RUNX2: variants seen among roughly 807,000 people sequenced by gnomAD.
RUNX2 encodes RUNX family transcription factor 2, also known as runt-related transcription factor 2.
A neutral mutation model predicts 51.7 loss-of-function variants in RUNX2; 10 were observed. The observed-to-expected ratio is 0.19, with a 90% CI of 0.12 to 0.33. The LOEUF (loss-of-function observed/expected upper bound fraction) is 0.33, where lower values mean the gene tolerates loss of function less well. Ranked by LOEUF, RUNX2 falls within the 10% of genes least tolerant of loss-of-function variation. The pLI is 1.00. For missense variants in RUNX2, 562 were observed against 691.3 expected (o/e 0.81, Z 2.10); for synonymous variants, 276 against 273.6 (o/e 1.01, Z -0.09).
chr6:45,478,939 G>A (rs1290731361), intron 5 of RUNX2, among the ~76,000 whole-genome samples: 5 of 151,906 alleles, frequency 3.3e-5, no homozygotes, highest in Non-Finnish European at 7.4e-5. Context: ...CCAGGCTGGA[G>A]TGCAGTGGCA....
At chr6:45,504,374 C>A (rs747899284) in intron 6 of RUNX2, among the ~76,000 whole-genome samples, 3 of 152,128 alleles carry the variant, frequency 2.0e-5, no homozygotes, top group Non-Finnish European at 2.9e-5. Flanking sequence ...GATAACCCAC[C>A]CATTCCCATG....
chr6:45,466,075 A>G (rs1300717552), intron 5 of RUNX2, among the ~76,000 whole-genome samples: 1 of 152,172 alleles, frequency 6.6e-6, no homozygotes, highest in Non-Finnish European at 1.5e-5. Flanking sequence ...GCACTTTGGG[A>G]AGCCGAGGCG....
At chr6:45,361,582 A>G (rs1581904055) in intron 2 of RUNX2, 1 of 152,220 alleles carries the variant, frequency 6.6e-6, no homozygotes, top group Non-Finnish European at 1.5e-5. Context: ...AGGCTGCTTG[A>G]GTTCAATAAC....
At chr6:45,375,161 C>T (rs929048415) in intron 2 of RUNX2, among the ~76,000 whole-genome samples, 1 of 152,102 alleles carries the variant, frequency 6.6e-6, no homozygotes, top group African/African-American at 2.4e-5. Context: ...GAGCTGAGAT[C>T]GCACCATTGT....
chr6:45,410,604 A>G (rs948555596), intron 2 of RUNX2, among the ~76,000 whole-genome samples: 1 of 152,174 alleles, frequency 6.6e-6, no homozygotes, highest in Non-Finnish European at 1.5e-5. Flanking sequence ...TGGTATATAC[A>G]TGGAATATGG....
intron 2 of RUNX2, among the ~76,000 whole-genome samples, chr6:45,391,858 T>G (rs1797478401): frequency 6.6e-6 from 1 of 152,148 alleles, no homozygotes; most frequent in Non-Finnish European, 1.5e-5. Context: ...AAGATGAGAT[T>G]TGGGTGGGGA....
At chr6:45,353,798 AT>A (rs1792571211) in intron 2 of RUNX2, among the ~76,000 whole-genome samples, 1 of 151,952 alleles carries the variant, frequency 6.6e-6, no homozygotes, top group Non-Finnish European at 1.5e-5. Flanking sequence ...TTTAATCACT[AT>A]ATACAAACCT....
Position 45,420,903 on chromosome 6 carries a change from A to G in RUNX2, c.59-1690A>G, listed in dbSNP as rs543457515. On this transcript the variant is annotated intron_variant, in intron 2 of 8. Coordinates refer to ENST00000647337, the MANE Select transcript of RUNX2 (RefSeq NM_001024630.4). ...CTTAGCCAGAGTCGTGTCTATATAA[A>G]CCACAAAAACCTAATCATTAGAAAT... 4.6e-5 allele frequency among the ~76,000 whole-genome samples: 7 copies of G among 152,254 alleles called. No individual in the cohort carries two copies. The South Asian group carries it at 1.5e-3, about 32-fold the overall frequency.
In RUNX2 at chr6:45,329,755, C is replaced by T. The variant is rs578093614; in HGVS notation, c.58+971C>T. On this transcript the variant is annotated intron_variant, in intron 2 of 8. Transcript: ENST00000647337. ...TCCCTTAATATTTAATTTCAAGTTA[C>T]TGTTGATACAGATATGTAAATGACT... Among the ~76,000 whole-genome samples, 5 of 152,046 alleles carry T rather than the reference C, an allele frequency of 3.3e-5. No homozygotes were observed. The East Asian group carries it at 7.7e-4, about 24-fold the overall frequency.
At chr6:45,341,633 C>T (rs1221201560) in intron 2 of RUNX2, among the ~76,000 whole-genome samples, 1 of 151,924 alleles carries the variant, frequency 6.6e-6, no homozygotes, top group African/African-American at 2.4e-5. Flanking sequence ...GCATAAGACT[C>T]GAGGTAACAA....
At chr6:45,399,178 A>G (rs932393437) in intron 2 of RUNX2, among the ~76,000 whole-genome samples, 1 of 151,502 alleles carries the variant, frequency 6.6e-6, no homozygotes, top group Non-Finnish European at 1.5e-5. Context: ...TCCTCTCTTC[A>G]TCTGTATTTC....
chr6:45,472,663 C>G (rs1282868480), intron 5 of RUNX2, among the ~76,000 whole-genome samples: 1 of 152,152 alleles, frequency 6.6e-6, no homozygotes, highest in African/African-American at 2.4e-5. Flanking sequence ...CTGCTCTGAC[C>G]CTGTGGCCTG....
Position 45,549,273 on chromosome 6 carries a change from G to T in RUNX2, c.*1968G>T. 1 of 398,416 alleles carries T rather than the reference G, an allele frequency of 2.5e-6. No individual in the cohort carries two copies. The highest frequency in any genetic ancestry group is 4.4e-6 in the Non-Finnish European group (1 of 226,026). The allele number at this position is 398,416 out of a possible 1,614,324, so 24.7% of individuals were successfully genotyped here. A position where few individuals can be genotyped will look rare whatever the true frequency, so the allele number is the denominator to read the frequency against. On this transcript the variant is annotated 3_prime_UTR_variant, in exon 9 of 9. Transcript: ENST00000647337. ...CCCAAGCAGAATTTAGCAGAGATTTGCCTTCAAACCCTAACGGCCCCCTTG... is the reference window on the plus strand; with the variant it reads ...CCCAAGCAGAATTTAGCAGAGATTTTCCTTCAAACCCTAACGGCCCCCTTG...
intron 2 of RUNX2, among the ~76,000 whole-genome samples, chr6:45,356,570 A>AT (rs556384426): frequency 0.018 from 2,667 of 147,958 alleles, 50 homozygotes; most frequent in South Asian, 0.086. Context: ...GCTAATGTTT[A>AT]TTTTTTTTTT....
chr6:45,511,456 A>C (rs1801143551), intron 6 of RUNX2, among the ~76,000 whole-genome samples: 1 of 152,228 alleles, frequency 6.6e-6, no homozygotes. Context: ...TTACTGTCAG[A>C]AACTATGGTG....
intron 5 of RUNX2, among the ~76,000 whole-genome samples, chr6:45,472,667 T>C (rs550453017): frequency 6.6e-6 from 1 of 152,330 alleles, no homozygotes; most frequent in South Asian, 2.1e-4. Flanking sequence ...TCTGACCCTG[T>C]GGCCTGGACA....
chr6:45,500,103 A>G (rs547252561), intron 6 of RUNX2, among the ~76,000 whole-genome samples: 94 of 152,234 alleles, frequency 6.2e-4, no homozygotes, highest in South Asian at 1.2e-3. Flanking sequence ...CAGAGGGGCA[A>G]GTTAGGCCTG....
chr6:45,532,744 T>C (rs933147883), intron 7 of RUNX2, among the ~76,000 whole-genome samples: 1 of 152,026 alleles, frequency 6.6e-6, no homozygotes, highest in Non-Finnish European at 1.5e-5. Context: ...ACTGTTTTGG[T>C]CCACATCTGG....
chr6:45,491,622 G>GTTTTTTTTT (rs34040641), intron 5 of RUNX2, among the ~76,000 whole-genome samples: 2 of 93,512 alleles, frequency 2.1e-5, no homozygotes, highest in African/African-American at 7.9e-5. Flanking sequence ...TCTCCTGTTT[G>GTTTTTTTTT]TTTTTTTTTT....
Sources: gnomAD v4.1 joint callset for allele counts (sites outside exome capture counted in the v4.1 genomes callset) on GRCh38, gnomAD v4.1.1 for gene constraint, MANE v1.5 for transcripts, NCBI Gene and HGNC (gene_info 2026-07-23, HGNC 2026-07-21) for gene names.